The following BIN3 variants were observed in gnomAD, a reference collection of about 807,000 sequenced individuals.
BIN3 encodes the protein bridging integrator 3.
BIN3 carries 41 observed loss-of-function variants against 38.2 expected under a neutral mutation model. The ratio of observed to expected loss-of-function variants is 1.07; its 90% CI spans 0.84 to 1.39. BIN3 has a LOEUF of 1.39. Among genes scored for constraint, BIN3 ranks in the 40% most tolerant of loss-of-function variants. The pLI is 0.00. For missense variants in BIN3, 361 were observed against 324.3 expected (o/e 1.11, Z -0.87); for synonymous variants, 145 against 122.6 (o/e 1.18, Z -1.21).
At chr8:22,625,216 CCT>C in intron 6 of BIN3, 1 of 673,762 alleles carries the variant, frequency 1.5e-6, no homozygotes, top group Admixed American at 2.1e-5. Flanking sequence ...GATCATGTGT[CCT>C]CTAGTGACCA....
chr8:22,654,348 T>C (rs1802993694), intron 1 of BIN3, among the ~76,000 whole-genome samples: 1 of 152,234 alleles, frequency 6.6e-6, no homozygotes, highest in African/African-American at 2.4e-5. Context: ...TATTTTTAAA[T>C]AACATACCAT....
At chr8:22,664,345 A>AGT in intron 1 of BIN3, among the ~76,000 whole-genome samples, 1 of 152,228 alleles carries the variant, frequency 6.6e-6, no homozygotes, top group Non-Finnish European at 1.5e-5. Flanking sequence ...AGAATCTCAC[A>AGT]GACATTTTAT....
intron 6 of BIN3, chr8:22,625,555 G>A (rs1433291509): frequency 1.6e-6 from 1 of 625,486 alleles, no homozygotes; most frequent in East Asian, 2.7e-5. Flanking sequence ...ACCACACAGA[G>A]CAGGACTCCC....
At position 22,644,784 on chromosome 8, in the gene BIN3, G is replaced by T. The variant is rs1481554675; in HGVS notation, c.28C>A (p.Gln10Lys). The T allele has an allele frequency of 6.2e-7, 1 of 1,611,328 alleles. No individual in the cohort carries two copies. The highest frequency in any genetic ancestry group is 1.3e-5 in the African/African-American group (1 of 75,038). Residue 10 changes from glutamine (Q) to lysine (K), a missense_variant, in exon 2 of 9, where the codon CAG becomes AAG. Transcript: ENST00000276416. ...TTGGGCACAATCTGTTTCTTGGGCTGCCCAATCTTAAAAGGAATCCTATAA... is the reference window on the plus strand; with the variant it reads ...TTGGGCACAATCTGTTTCTTGGGCTTCCCAATCTTAAAAGGAATCCTATAA... Reference protein sequence around the residue: MSWIPFKIGQPKKQIVPKTV... With the variant: MSWIPFKIGKPKKQIVPKTV...
intron 2 of BIN3, among the ~76,000 whole-genome samples, chr8:22,641,063 A>T (rs1400243599): frequency 6.6e-6 from 1 of 152,182 alleles, no homozygotes; most frequent in East Asian, 1.9e-4. Flanking sequence ...CTAGCCTCTC[A>T]GATAATGGCT....
At chr8:22,651,530 T>C (rs544362768) in intron 1 of BIN3, among the ~76,000 whole-genome samples, 1 of 152,358 alleles carries the variant, frequency 6.6e-6, no homozygotes, top group African/African-American at 2.4e-5. Flanking sequence ...CTTTTGAGAC[T>C]GCACATCCTA....
chr8:22,665,373 G>T (rs897109332), intron 1 of BIN3, among the ~76,000 whole-genome samples: 40 of 152,298 alleles, frequency 2.6e-4, no homozygotes, highest in African/African-American at 9.1e-4. Context: ...TGACTGCCAG[G>T]AACAGTGCTA....
chr8:22,647,152 C>T (rs899552019), intron 1 of BIN3, among the ~76,000 whole-genome samples: 2 of 152,198 alleles, frequency 1.3e-5, no homozygotes, highest in Admixed American at 1.3e-4. Flanking sequence ...TAAACTGAAT[C>T]TCCACTCCAA....
chr8:22,627,809 G>A (rs992856144), intron 6 of BIN3, among the ~76,000 whole-genome samples: 2 of 152,234 alleles, frequency 1.3e-5, no homozygotes, highest in African/African-American at 4.8e-5. Flanking sequence ...ACAGCCCACC[G>A]AGCATGCCCC....
intron 2 of BIN3, among the ~76,000 whole-genome samples, chr8:22,644,245 G>C (rs1021669102): frequency 7.2e-5 from 11 of 152,368 alleles, no homozygotes; most frequent in Middle Eastern, 3.4e-3. Flanking sequence ...GGGCTTAAAG[G>C]GGGGTGGGAT....
intron 6 of BIN3, 40 bp downstream of exon 6, chr8:22,629,924 C>T: frequency 2.6e-6 from 4 of 1,564,460 alleles, no homozygotes; most frequent in Non-Finnish European, 3.5e-6. Flanking sequence ...ACCTGCCTCT[C>T]CCATAAGTGC....
At chr8:22,638,916 G>C (rs931475139) in intron 2 of BIN3, among the ~76,000 whole-genome samples, 2 of 152,142 alleles carry the variant, frequency 1.3e-5, no homozygotes, top group African/African-American at 4.8e-5. Flanking sequence ...AAAGCTACTC[G>C]TAAGAAAAAA....
intron 6 of BIN3, among the ~76,000 whole-genome samples, chr8:22,627,475 G>A (rs1802039030): frequency 6.6e-6 from 1 of 152,184 alleles, no homozygotes; most frequent in African/African-American, 2.4e-5. Flanking sequence ...TCAGGGCTCA[G>A]GCTGCTGGCA....
intron 1 of BIN3, among the ~76,000 whole-genome samples, chr8:22,663,668 G>C (rs1453479812): frequency 6.6e-6 from 1 of 152,088 alleles, no homozygotes; most frequent in East Asian, 1.9e-4. Flanking sequence ...CCCTGAGGTG[G>C]AGTGCCAATT....
intron 6 of BIN3, among the ~76,000 whole-genome samples, chr8:22,627,343 GGTC>G: frequency 7.7e-6 from 1 of 129,992 alleles, no homozygotes; most frequent in Non-Finnish European, 1.8e-5. Flanking sequence ...CATCTGCCCT[GGTC>G]ACTCACTGAC....
intron 1 of BIN3, among the ~76,000 whole-genome samples, chr8:22,667,549 T>TG (rs902444002): frequency 2.0e-5 from 3 of 152,186 alleles, no homozygotes; most frequent in African/African-American, 7.2e-5. Flanking sequence ...ATTGCAAGAC[T>TG]GGGGGGCCCA....
intron 1 of BIN3, among the ~76,000 whole-genome samples, chr8:22,659,269 G>A (rs1803155545): frequency 6.6e-6 from 1 of 152,212 alleles, no homozygotes; most frequent in African/African-American, 2.4e-5. Context: ...TATGACCACA[G>A]CCTCCAGCCC....
chr8:22,633,125 T>C (rs1211300621), intron 4 of BIN3, among the ~76,000 whole-genome samples: 1 of 152,166 alleles, frequency 6.6e-6, no homozygotes, highest in Non-Finnish European at 1.5e-5. Context: ...CGCCCAGTGA[T>C]GCCCCCGCTT....
In BIN3 at chr8:22,644,813, A is replaced by T. The variant is rs935723322; in HGVS notation, c.9-10T>A. 1 of 1,605,560 alleles carries T rather than the reference A, an allele frequency of 6.2e-7. No individual in the cohort carries two copies. Among genetic ancestry groups the T allele is most frequent in the Non-Finnish European group, 8.5e-7 (1 of 1,175,070 alleles). ...AATCTTAAAAGGAATCCTATAAGAG[A>T]AAGAGACAAAGAGAGATATTGTGAG... On this transcript the variant is annotated splice_polypyrimidine_tract_variant and intron_variant, in intron 1 of 8. Coordinates refer to ENST00000276416, the MANE Select transcript of BIN3 (RefSeq NM_018688.6).
Sources: gnomAD v4.1 joint callset for allele counts (sites outside exome capture counted in the v4.1 genomes callset) on GRCh38, gnomAD v4.1.1 for gene constraint, MANE v1.5 for transcripts, NCBI Gene and HGNC (gene_info 2026-07-23, HGNC 2026-07-21) for gene names.